The following DNAI1 variants were observed in gnomAD, a reference collection of about 807,000 sequenced individuals.
DNAI1 encodes the protein dynein, axonemal, intermediate polypeptide 1.
A neutral mutation model predicts 92.0 loss-of-function variants in DNAI1; 67 were observed. The ratio of observed to expected loss-of-function variants is 0.73; its 90% CI spans 0.60 to 0.89. The LOEUF (loss-of-function observed/expected upper bound fraction) is 0.89, where lower values mean the gene tolerates loss of function less well. Ranked by LOEUF, DNAI1 falls within the 40% of genes least tolerant of loss-of-function variation. The pLI is 0.00. For missense variants in DNAI1, 839 were observed against 866.6 expected, an observed-to-expected ratio of 0.97 and a Z score of 0.40; for synonymous variants, 323 against 319.6, an observed-to-expected ratio of 1.01 and a Z score of -0.11.
chr9:34,490,509 G>C (rs1824567082), intron 7 of DNAI1, 21 bp downstream of exon 7: 1 of 1,613,670 alleles, frequency 6.2e-7, no homozygotes, highest in Non-Finnish European at 8.5e-7. Context: ...CCCCACCCTA[G>C]CCCCTTTGCA....
intron 8 of DNAI1, among the ~76,000 whole-genome samples, chr9:34,492,493 G>GAGAGAGATATATATATATAT: frequency 1.5e-5 from 1 of 68,258 alleles, no homozygotes; most frequent in South Asian, 4.5e-4. Flanking sequence ...GGGATATGAA[G>GAGAGAGATATATATATATAT]ATATATATAT....
intron 1 of DNAI1, among the ~76,000 whole-genome samples, chr9:34,482,745 G>A (rs1303891380): frequency 6.6e-6 from 1 of 152,278 alleles, no homozygotes; most frequent in South Asian, 2.1e-4. Context: ...CTGCCTGCCA[G>A]TCCTGCGCCT....
At chr9:34,483,327 C>T (rs1009146276) in intron 1 of DNAI1, 121 bp from the exon 2 acceptor site, 19 of 952,616 alleles carry the variant, frequency 2.0e-5, no homozygotes, top group East Asian at 5.3e-5. Context: ...ACTGCCAGCA[C>T]GCTGTCACCT....
chr9:34,487,063 C>G (rs918411969), intron 4 of DNAI1, among the ~76,000 whole-genome samples: 16 of 152,158 alleles, frequency 1.1e-4, no homozygotes, highest in African/African-American at 3.6e-4. Flanking sequence ...GCTATTATGA[C>G]TAATGCTGCT....
At chr9:34,491,810 C>T (rs1824602720) in intron 8 of DNAI1, among the ~76,000 whole-genome samples, 1 of 152,234 alleles carries the variant, frequency 6.6e-6, no homozygotes, top group Non-Finnish European at 1.5e-5. Flanking sequence ...ACAGGCATGG[C>T]TTCTGGATGG....
At chr9:34,459,980 C>G (rs1007730749) in intron 1 of DNAI1, among the ~76,000 whole-genome samples, 1 of 152,190 alleles carries the variant, frequency 6.6e-6, no homozygotes. Context: ...GTCCTCACCC[C>G]CACAGTGCAC....
chr9:34,480,021 G>A lies in DNAI1; in HGVS notation c.49-3427G>A, dbSNP rs142492299. On this transcript the variant is annotated intron_variant, in intron 1 of 19. Coordinates refer to ENST00000242317, the MANE Select transcript of DNAI1 (RefSeq NM_012144.4). Reference sequence around the variant, plus strand: ...CCTCTCTTTGCATTTGGGAAACTGAGGCTGCCCCAAGATCACACAAGTGGT... The same window carrying A: ...CCTCTCTTTGCATTTGGGAAACTGAAGCTGCCCCAAGATCACACAAGTGGT... Among the ~76,000 whole-genome samples, 335 of 152,258 alleles carry A rather than the reference G, an allele frequency of 2.2e-3. 1 individual carries two copies. Among genetic ancestry groups the A allele is most frequent in the Non-Finnish European group, 3.9e-3 (268 of 68,026 alleles).
chr9:34,462,682 C>T (rs1823972309), intron 1 of DNAI1, among the ~76,000 whole-genome samples: 1 of 152,120 alleles, frequency 6.6e-6, no homozygotes, highest in Admixed American at 6.6e-5. Context: ...GGAAATGTAA[C>T]TGTGTAAGTA....
chr9:34,483,590 G>A (rs1013090767), intron 2 of DNAI1, 110 bp downstream of exon 2: 13 of 1,103,730 alleles, frequency 1.2e-5, no homozygotes, highest in Non-Finnish European at 1.7e-5. Flanking sequence ...AAAGAAGAAT[G>A]TTAAAATCAC....
chr9:34,500,505 G>A (rs543250376), intron 10 of DNAI1, among the ~76,000 whole-genome samples: 22 of 152,144 alleles, frequency 1.4e-4, no homozygotes, highest in African/African-American at 5.1e-4. Flanking sequence ...CTAACACATA[G>A]AGCTTACTAT....
chr9:34,489,279 C>G (rs1824532652), intron 4 of DNAI1, 44 bp from the exon 5 acceptor site: 3 of 1,611,580 alleles, frequency 1.9e-6, no homozygotes, highest in East Asian at 2.2e-5. Context: ...TTGACTCCAG[C>G]TCTTTTAGGG....
chr9:34,474,643 A>G (rs1398800768), intron 1 of DNAI1, among the ~76,000 whole-genome samples: 4 of 135,614 alleles, frequency 2.9e-5, no homozygotes, highest in Non-Finnish European at 6.1e-5. Context: ...ATCTCGGCTC[A>G]CTGCAACCTC....
At chr9:34,491,349 C>T (rs1824586100) in intron 7 of DNAI1, 146 bp from the exon 8 acceptor site, 1 of 780,206 alleles carries the variant, frequency 1.3e-6, no homozygotes, top group African/African-American at 1.7e-5. Context: ...TTCAGTTATT[C>T]ACCCAAGCCC....
At chr9:34,473,161 TC>T (rs1313307830) in intron 1 of DNAI1, among the ~76,000 whole-genome samples, 8 of 152,002 alleles carry the variant, frequency 5.3e-5, no homozygotes, top group Admixed American at 3.9e-4. Context: ...TTTACTTCAT[TC>T]TTTCTACTTT....
chr9:34,481,921 T>C (rs1824367557), intron 1 of DNAI1, among the ~76,000 whole-genome samples: 1 of 152,248 alleles, frequency 6.6e-6, no homozygotes, highest in Non-Finnish European at 1.5e-5. Flanking sequence ...AGGTTGCCAA[T>C]GCTGGCTCGG....
intron 8 of DNAI1, among the ~76,000 whole-genome samples, chr9:34,492,778 C>A (rs978367921): frequency 6.6e-6 from 1 of 151,822 alleles, no homozygotes; most frequent in Non-Finnish European, 1.5e-5. Flanking sequence ...GCCTCAGCCT[C>A]CCAAAGTGCT....
chr9:34,492,501 T>C (rs1309805566), intron 8 of DNAI1, among the ~76,000 whole-genome samples: 1 of 41,308 alleles, frequency 2.4e-5, no homozygotes, highest in African/African-American at 1.1e-4. Context: ...AAGATATATA[T>C]ATATATATAT....
At position 34,514,438 on chromosome 9, in the gene DNAI1, C is replaced by A. The variant is rs1201989652; in HGVS notation, c.1614C>A (p.Ala538=). 1.9e-6 allele frequency: 3 copies of A among 1,614,118 alleles called. No homozygotes were observed. Among genetic ancestry groups the A allele is most frequent in the Non-Finnish European group, 2.5e-6 (3 of 1,180,056 alleles). Residue 538 remains alanine (A), a synonymous_variant, in exon 17 of 20, where the codon GCC becomes GCA. Coordinates refer to ENST00000242317, the MANE Select transcript of DNAI1 (RefSeq NM_012144.4). ...GCCAATTCCTCGACACCTATGACGC[C>A]CACAACATGTCAGTGGACACTGTGT... ...YSSQFLDTYD[A]HNMSVDTVSW...
chr9:34,512,491 CAG>C, intron 15 of DNAI1, 67 bp downstream of exon 15: 1 of 1,471,590 alleles, frequency 6.8e-7, no homozygotes. Context: ...GGGTCAGTGA[CAG>C]TGGTCCTTCC....
Sources: allele counts gnomAD v4.1 joint callset (sites outside exome capture counted in the v4.1 genomes callset), GRCh38; gene constraint gnomAD v4.1.1; transcripts MANE v1.5; gene names NCBI Gene and HGNC (gene_info 2026-07-23, HGNC 2026-07-21).